The following MIER1 variants were observed in gnomAD, a reference collection of about 807,000 sequenced individuals.
The protein encoded by MIER1 is MIER1 transcriptional regulator, also known as mesoderm induction early response protein 1.
Under a neutral mutation model 75.7 loss-of-function variants are expected in MIER1, and 40 were observed. The ratio of observed to expected loss-of-function variants is 0.53; its 90% CI spans 0.41 to 0.69. The LOEUF is 0.69. Among genes scored for constraint, MIER1 ranks in the 30% least tolerant of loss-of-function variants. The probability of loss-of-function intolerance (pLI) is 0.00; values close to 1 mark genes in which losing one functional copy is unlikely to be tolerated. For missense variants in MIER1, 574 were observed against 680.2 expected (o/e 0.84, Z 1.74); for synonymous variants, 213 against 223.4 (o/e 0.95, Z 0.42).
intron 2 of MIER1, among the ~76,000 whole-genome samples, chr1:66,932,499 A>G (rs1340013156): frequency 1.3e-5 from 2 of 152,202 alleles, no homozygotes; most frequent in African/African-American, 2.4e-5. Flanking sequence ...GAAAAGTACA[A>G]TTGATTTATA....
intron 2 of MIER1, among the ~76,000 whole-genome samples, chr1:66,931,770 C>T (rs989126079): frequency 1.4e-4 from 22 of 152,120 alleles, no homozygotes; most frequent in African/African-American, 4.8e-4. Context: ...GATTTTAGTC[C>T]TGGTGAGGTT....
intron 4 of MIER1, among the ~76,000 whole-genome samples, chr1:66,953,254 GA>G (rs2101622032): frequency 6.6e-6 from 1 of 152,324 alleles, no homozygotes; most frequent in East Asian, 1.9e-4. Flanking sequence ...GCTTGGAGGG[GA>G]AATAATAAAT....
At chr1:66,952,343 A>G (rs1163526763) in intron 4 of MIER1, among the ~76,000 whole-genome samples, 5 of 152,228 alleles carry the variant, frequency 3.3e-5, no homozygotes, top group African/African-American at 1.2e-4. Context: ...AGGCCCTGGT[A>G]CAATAGTATA....
chr1:66,934,407 T>TTC (rs1241887985), intron 2 of MIER1, among the ~76,000 whole-genome samples: 2 of 146,414 alleles, frequency 1.4e-5, no homozygotes, highest in Non-Finnish European at 3.0e-5. Flanking sequence ...CTTTCTTTCT[T>TTC]TTTTTTTTTT....
rs965586055 is a variant in MIER1 at position 66,958,996 on chromosome 1, G to T, written c.634+13G>T. 6.2e-7 allele frequency: 1 copy of T among 1,605,242 alleles called. No homozygotes were observed. The highest frequency in any genetic ancestry group is 8.5e-7 in the Non-Finnish European group (1 of 1,174,038). On this transcript the variant is annotated intron_variant, in intron 6 of 13. Transcript: ENST00000401041. ...TATTTTGATACAAGTAAGTGTTACT[G>T]GTTGATAATATTTGAATATAATTTT...
chr1:66,953,151 A>G (rs865850355), intron 4 of MIER1, among the ~76,000 whole-genome samples: 14 of 152,370 alleles, frequency 9.2e-5, no homozygotes, highest in Middle Eastern at 3.4e-3. Context: ...TACTATGGTC[A>G]AGGAGGTGAA....
At position 66,985,301 on chromosome 1, in the gene MIER1, C is replaced by A. The variant is rs1298790044; in HGVS notation, c.*401C>A. 21 of 985,244 alleles carry A rather than the reference C, an allele frequency of 2.1e-5. No homozygotes were observed. The highest frequency in any genetic ancestry group is 2.5e-5 in the Non-Finnish European group (21 of 829,794). 61.0% of individuals were successfully genotyped at this position (985,244 alleles called of 1,614,324 possible). ...TAGTTTGATGGATGAATGGGAAACTCAAGTCCAAATTTCTGCTTAATACCA... is the reference window on the plus strand; with the variant it reads ...TAGTTTGATGGATGAATGGGAAACTAAAGTCCAAATTTCTGCTTAATACCA... On this transcript the variant is annotated 3_prime_UTR_variant, in exon 14 of 14. Transcript: ENST00000401041.
chr1:66,972,241 T>TATATATATATATATATACACTAC (rs1570466981), intron 10 of MIER1, among the ~76,000 whole-genome samples: 4 of 68,992 alleles, frequency 5.8e-5, no homozygotes, highest in African/African-American at 4.1e-4. Flanking sequence ...ACTACATATA[T>TATATATATATATATATACACTAC]ATATATATAT....
intron 2 of MIER1, among the ~76,000 whole-genome samples, chr1:66,935,348 TAG>T (rs976141047): frequency 6.6e-6 from 1 of 152,188 alleles, no homozygotes; most frequent in Admixed American, 6.5e-5. Flanking sequence ...TAAAAGTTGC[TAG>T]AGTTTGTTTT....
chr1:66,952,997 C>T (rs1408092246), intron 4 of MIER1, among the ~76,000 whole-genome samples: 2 of 152,150 alleles, frequency 1.3e-5, no homozygotes, highest in South Asian at 2.1e-4. Flanking sequence ...TTGTAGGTCT[C>T]CCACATTTAC....
intron 11 of MIER1, among the ~76,000 whole-genome samples, chr1:66,975,736 C>T (rs1374970333): frequency 1.3e-5 from 2 of 152,102 alleles, no homozygotes; most frequent in African/African-American, 4.8e-5. Flanking sequence ...AGGTACAGCA[C>T]AGTAAGCCGC....
At chr1:66,940,244 C>T in intron 3 of MIER1, 192 bp downstream of exon 3, 1 of 372,524 alleles carries the variant, frequency 2.7e-6, no homozygotes, top group East Asian at 4.1e-5. Context: ...GTGATTTCAT[C>T]CTAAAAATGA....
intron 11 of MIER1, among the ~76,000 whole-genome samples, chr1:66,975,111 A>AT (rs1220159408): frequency 6.6e-6 from 1 of 152,208 alleles, no homozygotes; most frequent in Non-Finnish European, 1.5e-5. Context: ...AAGGGAGGGT[A>AT]TCATCAACAT....
chr1:66,956,721 G>A (rs541928467), intron 4 of MIER1, among the ~76,000 whole-genome samples: 7 of 152,296 alleles, frequency 4.6e-5, no homozygotes, highest in South Asian at 2.1e-4. Flanking sequence ...AGGGGTCTTG[G>A]AATTGATTTA....
chr1:66,964,417 T>A (rs1661918466), intron 8 of MIER1, among the ~76,000 whole-genome samples: 2 of 148,800 alleles, frequency 1.3e-5, no homozygotes, highest in South Asian at 4.3e-4. Flanking sequence ...TCACCTCATT[T>A]GAGTTCCAGA....
chr1:66,943,923 G>C (rs1338063402), intron 3 of MIER1, among the ~76,000 whole-genome samples: 1 of 152,002 alleles, frequency 6.6e-6, no homozygotes. Flanking sequence ...TTCAAATTCC[G>C]TCTTTGCCAT....
chr1:66,984,768 T>G lies in MIER1; in HGVS notation c.1566T>G (p.Asp522Glu), dbSNP rs1666554820. 1 of 1,613,908 alleles carries G rather than the reference T, an allele frequency of 6.2e-7. No homozygotes were observed. The highest frequency in any genetic ancestry group is 8.5e-7 in the Non-Finnish European group (1 of 1,179,904). Residue 522 changes from aspartate (D) to glutamate (E), a missense_variant, in exon 14 of 14, where the codon GAT (aspartate) becomes GAG (glutamate). Asp to Glu is a conservative substitution (Grantham distance 45, BLOSUM62 2). This residue lies in a region of MIER1 where 164 missense variants were observed against 154.3 expected (regional missense o/e 1.06). Transcript: ENST00000401041. ...HMTARNENDF[D>E]EKSERPAKRR... Reference sequence around the variant, plus strand: ...CTGCAAGAAATGAAAATGATTTTGATGAAAAAAGTGAGAGACCTGCCAAAA... The same window carrying G: ...CTGCAAGAAATGAAAATGATTTTGAGGAAAAAAGTGAGAGACCTGCCAAAA...
chr1:66,946,410 G>A (rs1657651896), intron 4 of MIER1, 115 bp downstream of exon 4: 1 of 1,399,522 alleles, frequency 7.1e-7, no homozygotes, highest in East Asian at 2.7e-5. Context: ...ATTAATGACT[G>A]AAAAATTTTG....
intron 8 of MIER1, among the ~76,000 whole-genome samples, chr1:66,965,546 G>T (rs1332596048): frequency 6.6e-6 from 1 of 152,042 alleles, no homozygotes; most frequent in Non-Finnish European, 1.5e-5. Flanking sequence ...GTACATAGTA[G>T]GTGTATATAG....
Sources: allele counts gnomAD v4.1 joint callset (sites outside exome capture counted in the v4.1 genomes callset), GRCh38; gene constraint gnomAD v4.1.1; regional missense constraint gnomAD v4.1.1; transcripts MANE v1.5; gene names NCBI Gene and HGNC (gene_info 2026-07-23, HGNC 2026-07-21).